Variants in XPOT observed in about 807,000 individuals in gnomAD.
XPOT encodes the protein exportin-T.
Under a neutral mutation model 128.2 loss-of-function variants are expected in XPOT, and 34 were observed. The observed-to-expected ratio is 0.27, with a 90% CI of 0.20 to 0.35. The LOEUF is 0.35. Among genes scored for constraint, XPOT ranks in the 10% least tolerant of loss-of-function variants. The probability of loss-of-function intolerance (pLI) is 1.00; values close to 1 mark genes in which losing one functional copy is unlikely to be tolerated. For missense variants in XPOT, 838 were observed against 1,125.3 expected (o/e 0.74, Z 3.65); for synonymous variants, 348 against 394.3 (o/e 0.88, Z 1.39).
rs1352123865 is a variant in XPOT, at chr12:64,431,612, T to C, written c.2051T>C (p.Leu684Ser). 2 of 1,613,838 alleles carry C rather than the reference T, an allele frequency of 1.2e-6. No homozygotes were observed. The highest frequency in any genetic ancestry group is 2.2e-5 in the East Asian group (1 of 44,890). ...CGCSEVYLDCLQTFLPALSCP... is the reference protein window; with the variant it reads ...CGCSEVYLDCSQTFLPALSCP... ...TGTTCCGAAGTTTATCTGGACTGTT[T>C]ACAGACATTCTTGCCAGCCCTCAGT... The change falls in exon 18 of 25, where the codon TTA (leucine) becomes TCA (serine). Residue 684 changes from leucine to serine, a missense_variant. By Grantham distance (145) the Leu-to-Ser change is moderately radical (BLOSUM62 -2). This residue lies in a region of XPOT where 761 missense variants were observed against 988.3 expected (regional missense o/e 0.77). Transcript: ENST00000332707.
chr12:64,427,117 CTTTTTTT>C (rs869255660), intron 15 of XPOT, among the ~76,000 whole-genome samples: 1 of 128,744 alleles, frequency 7.8e-6, no homozygotes, highest in Non-Finnish European at 1.7e-5. Context: ...TACTCCCGAC[CTTTTTTT>C]TTTTTTTTTT....
chr12:64,441,383 T>TTCTGCC (rs1164865658), intron 23 of XPOT, among the ~76,000 whole-genome samples: 2 of 152,234 alleles, frequency 1.3e-5, no homozygotes, highest in Admixed American at 6.5e-5. Context: ...CAAAGAATCC[T>TTCTGCC]TCTGCCTCTG....
intron 23 of XPOT, among the ~76,000 whole-genome samples, chr12:64,440,032 T>C (rs1159493218): frequency 6.6e-6 from 1 of 152,240 alleles, no homozygotes; most frequent in Non-Finnish European, 1.5e-5. Context: ...TTATTAATTA[T>C]AGGGACAGTG....
Position 64,425,383 on chromosome 12 carries a change from T to C in XPOT, c.1498T>C (p.Leu500=), listed in dbSNP as rs374484784. The change falls in exon 14 of 25, where the codon TTG becomes CTG. Residue 500 remains leucine (L), a synonymous_variant. Transcript: ENST00000332707. ...VSSYQHTSVT[L]EFFETVVRYE... ...TTCCTATCAGCATACATCTGTGACA[T>C]TGGAGTTCTTCGAAACTGTTGTTAG... 1.2e-6 allele frequency: 2 copies of C among 1,613,480 alleles called. No homozygotes were observed. Among genetic ancestry groups the C allele is most frequent in the African/African-American group, 2.7e-5 (2 of 74,920 alleles).
At chr12:64,444,990 T>TAA (rs374914284) in intron 23 of XPOT, 85 bp from the exon 24 acceptor site, 5,115 of 709,806 alleles carry the variant, frequency 7.2e-3, no homozygotes, top group South Asian at 9.5e-3. Flanking sequence ...AAAAAAAAAT[T>TAA]AAAAAAAAAA....
rs1272739167 is a variant in XPOT, at chr12:64,425,078, A to G, written c.1348A>G (p.Ile450Val). The change falls in exon 13 of 25, where the codon ATA (isoleucine) becomes GTA (valine). Residue 450 changes from isoleucine (I) to valine (V), a missense_variant. Coordinates refer to ENST00000332707, the MANE Select transcript of XPOT (RefSeq NM_007235.6). ...TTRFMEVEVA[I>V]RLLYMLAEAL... ...ACGGTTTATGGAAGTTGAAGTAGCA[A>G]TAAGATTGCTGTATATGTTGGCAGA... 9 of 1,613,318 alleles carry G rather than the reference A, an allele frequency of 5.6e-6. No individual in the cohort carries two copies. Among genetic ancestry groups the G allele is most frequent in the East Asian group, 2.2e-5 (1 of 44,876 alleles).
chr12:64,410,109 C>A lies in XPOT; in HGVS notation c.60+14C>A, dbSNP rs2040024159. On this transcript the variant is annotated intron_variant, in intron 2 of 24. Coordinates refer to ENST00000332707, the MANE Select transcript of XPOT (RefSeq NM_007235.6). ...TTTAGACAAAGGGTAAGTTACTCTG[C>A]TGAATCATTTTTTAATCATGTCACC... is the stretch of plus-strand genomic sequence containing the variant. 6.2e-7 allele frequency: 1 copy of A among 1,612,494 alleles called. No individual in the cohort carries two copies. Among genetic ancestry groups the A allele is most frequent in the Admixed American group, 1.7e-5 (1 of 59,980 alleles).
At chr12:64,417,492 T>G (rs2040098226) in intron 4 of XPOT, among the ~76,000 whole-genome samples, 3 of 149,910 alleles carry the variant, frequency 2.0e-5, no homozygotes, top group East Asian at 2.0e-4. Context: ...ATGGTGCCAC[T>G]GCACTTCAGC....
rs551101166 is a variant in XPOT, at chr12:64,418,996, G to T, written c.391G>T (p.Val131Leu). The part of the protein sequence containing the change: ...WPKFFFDILS[V>L]VDLNPRGVDL... Reference sequence around the variant, plus strand: ...CAAGTTTTTTTTTGACATTCTCTCAGTAGTGGACCTAAATCCAAGGGGAGT... The same window carrying T: ...CAAGTTTTTTTTTGACATTCTCTCATTAGTGGACCTAAATCCAAGGGGAGT... Residue 131 changes from valine to leucine, a missense_variant, in exon 6 of 25, where the codon GTA becomes TTA. Around this residue, in one of 3 missense-constraint regions of XPOT, gnomAD observed 761 missense variants for 988.3 expected, o/e 0.77. Coordinates refer to ENST00000332707, the MANE Select transcript of XPOT (RefSeq NM_007235.6). 15 of 1,614,088 alleles carry T rather than the reference G, an allele frequency of 9.3e-6. No homozygotes were observed. The South Asian group carries it at 1.3e-4, about 14-fold the overall frequency.
intron 22 of XPOT, among the ~76,000 whole-genome samples, chr12:64,438,768 C>T (rs149376723): frequency 2.0e-5 from 3 of 152,146 alleles, no homozygotes; most frequent in East Asian, 3.9e-4. Flanking sequence ...GCTGGGATTA[C>T]AGGCATGCGC....
chr12:64,416,693 T>C lies in XPOT; in HGVS notation c.144-5T>C. The C allele has an allele frequency of 6.2e-7, 1 of 1,611,194 alleles. No homozygotes were observed. Among genetic ancestry groups the C allele is most frequent in the Non-Finnish European group, 8.5e-7 (1 of 1,178,336 alleles). ...CTTATCTCATTTTCTTTTTTTCTTT[T>C]TCAGTGATGATCATGTGAAGTTTTT... On this transcript the variant is annotated splice_polypyrimidine_tract_variant and splice_region_variant and intron_variant, in intron 3 of 24. Coordinates refer to ENST00000332707, the MANE Select transcript of XPOT (RefSeq NM_007235.6).
rs2040124967 is a variant in XPOT at position 64,420,148 on chromosome 12, A to G, written c.568A>G (p.Ile190Val). ...AAATCTGGTGGAATCATGGTACCAA[A>G]TATTACAAAATTATCAGTTTACTAA... ...IPNLVESWYQ[I>V]LQNYQFTNSE... The change falls in exon 7 of 25, where the codon ATA becomes GTA. Residue 190 changes from isoleucine to valine, a missense_variant. Coordinates refer to ENST00000332707, the MANE Select transcript of XPOT (RefSeq NM_007235.6). The G allele has an allele frequency of 2.5e-6, 4 of 1,612,416 alleles. No homozygotes were observed. The highest frequency in any genetic ancestry group is 1.3e-5 in the African/African-American group (1 of 74,866).
At chr12:64,447,721 G>A (rs899319780) in intron 24 of XPOT, among the ~76,000 whole-genome samples, 4 of 151,966 alleles carry the variant, frequency 2.6e-5, no homozygotes, top group South Asian at 2.1e-4. Flanking sequence ...TTCAGGCCTC[G>A]GCCTCCCAAA....
At chr12:64,437,627 G>T (rs1179024696) in intron 22 of XPOT, among the ~76,000 whole-genome samples, 1 of 152,238 alleles carries the variant, frequency 6.6e-6, no homozygotes, top group Non-Finnish European at 1.5e-5. Context: ...AAGTCAGGAA[G>T]TCAGTAGGCA....
At position 64,421,370 on chromosome 12, in the gene XPOT, A is replaced by G; in HGVS notation, c.979A>G (p.Thr327Ala). ...TCAAGAGGCACTACAAGCTATTGAA[A>G]CAAAAGTGGCACTGATGTTGCAGCT... ...NAQEALQAIETKVALMLQLLI... is the reference protein window; with the variant it reads ...NAQEALQAIEAKVALMLQLLI... Residue 327 changes from threonine to alanine, a missense_variant, in exon 9 of 25, where the codon ACA (threonine) becomes GCA (alanine). Physicochemically the swap from Thr to Ala is moderately conservative, Grantham distance 58. Coordinates refer to ENST00000332707, the MANE Select transcript of XPOT (RefSeq NM_007235.6). 6.2e-7 allele frequency: 1 copy of G among 1,614,100 alleles called. No individual in the cohort carries two copies. The highest frequency in any genetic ancestry group is 8.5e-7 in the Non-Finnish European group (1 of 1,179,974).
At chr12:64,412,778 A>T (rs756160624) in intron 2 of XPOT, among the ~76,000 whole-genome samples, 2 of 152,184 alleles carry the variant, frequency 1.3e-5, no homozygotes, top group Non-Finnish European at 2.9e-5. Context: ...CCCACTTAAG[A>T]CACTAATTGA....
At position 64,434,635 on chromosome 12, in the gene XPOT, T is replaced by C. The variant is rs753294658; in HGVS notation, c.2569+12T>C. 6.2e-7 allele frequency: 1 copy of C among 1,601,760 alleles called. No individual in the cohort carries two copies. The highest frequency in any genetic ancestry group is 1.7e-5 in the Admixed American group (1 of 59,960). On this transcript the variant is annotated intron_variant, in intron 20 of 24. Coordinates refer to ENST00000332707, the MANE Select transcript of XPOT (RefSeq NM_007235.6). ...GGTAGAACTCTGGGGTAAGATAATT[T>C]TATTTCTTAACCTTCATTTCCCAAA...
At chr12:64,431,436 A>G in intron 17 of XPOT, 102 bp from the exon 18 acceptor site, 1 of 1,176,502 alleles carries the variant, frequency 8.5e-7, no homozygotes, top group East Asian at 2.4e-5. Context: ...CTGGTTATTT[A>G]GTTTTGTTAA....
In XPOT at chr12:64,448,277, G is replaced by A. The variant is rs1261865737; in HGVS notation, c.*146G>A. The A allele has an allele frequency of 3.9e-6, 3 of 773,510 alleles. No homozygotes were observed. Among genetic ancestry groups the A allele is most frequent in the African/African-American group, 1.7e-5 (1 of 57,564 alleles). The allele number at this position is 773,510 out of a possible 1,614,324, so 47.9% of individuals were successfully genotyped here. ...TGTTTTGGGATTTTTCTGTAAAATG[G>A]GTGTAATTTTCCTAATACAGGTATG... On this transcript the variant is annotated 3_prime_UTR_variant, in exon 25 of 25. Coordinates refer to ENST00000332707, the MANE Select transcript of XPOT (RefSeq NM_007235.6).
Sources: gnomAD v4.1 joint callset for allele counts (sites outside exome capture counted in the v4.1 genomes callset) on GRCh38, gnomAD v4.1.1 for gene constraint, gnomAD v4.1.1 regional missense constraint, MANE v1.5 for transcripts, NCBI Gene and HGNC (gene_info 2026-07-23, HGNC 2026-07-21) for gene names.